Variants in OXR1 observed in about 807,000 individuals in gnomAD.
The protein encoded by OXR1 is oxidation resistance protein 1.
In OXR1, 41 loss-of-function variants were observed where a neutral mutation model predicts 104.6. The observed-to-expected ratio is 0.39, with a 90% CI of 0.31 to 0.51. OXR1 has a LOEUF of 0.51. OXR1 is among the 20% of genes least tolerant of loss of function. OXR1 has a pLI of 0.77. For synonymous variants in OXR1, 348 were observed against 348.4 expected (o/e 1.00, Z 0.01); for missense variants, 955 against 1,031.9 (o/e 0.93, Z 1.02).
At chr8:106,529,222 T>C (rs1047271787) in intron 3 of OXR1, among the ~76,000 whole-genome samples, 2 of 152,230 alleles carry the variant, frequency 1.3e-5, no homozygotes, top group Non-Finnish European at 2.9e-5. Context: ...TGTGGATTAA[T>C]AAGACCATGG....
At chr8:106,740,554 A>G (rs1331887291) in intron 14 of OXR1, 59 bp downstream of exon 14, 29 of 1,368,130 alleles carry the variant, frequency 2.1e-5, no homozygotes, top group Non-Finnish European at 1.0e-5. Context: ...AGTAACTTTT[A>G]GCATATTTAT....
intron 2 of OXR1, among the ~76,000 whole-genome samples, chr8:106,473,816 C>G (rs116369234): frequency 6.7e-6 from 1 of 149,734 alleles, no homozygotes; most frequent in Non-Finnish European, 1.5e-5. Flanking sequence ...AAATCAGATA[C>G]GGAGCCTCAT....
chr8:106,650,513 A>G (rs1824475906), intron 3 of OXR1, among the ~76,000 whole-genome samples: 1 of 152,246 alleles, frequency 6.6e-6, no homozygotes, highest in Non-Finnish European at 1.5e-5. Context: ...TAGGAGCTGA[A>G]TGACAGTCAG....
intron 16 of OXR1, among the ~76,000 whole-genome samples, chr8:106,748,267 G>A (rs1251751415): frequency 6.6e-6 from 1 of 152,178 alleles, no homozygotes; most frequent in Non-Finnish European, 1.5e-5. Flanking sequence ...CTTAACAAAT[G>A]ATGGCTTCCT....
intron 3 of OXR1, among the ~76,000 whole-genome samples, chr8:106,583,149 T>C (rs1775787964): frequency 6.6e-6 from 1 of 152,178 alleles, no homozygotes. Context: ...TTCCTTAAGC[T>C]TTAAGGGCAA....
At chr8:106,324,309 A>G (rs1055138077) in intron 1 of OXR1, among the ~76,000 whole-genome samples, 1 of 152,192 alleles carries the variant, frequency 6.6e-6, no homozygotes, top group Non-Finnish European at 1.5e-5. Context: ...GAGCTAAATG[A>G]TAAAACTTAT....
intron 3 of OXR1, among the ~76,000 whole-genome samples, chr8:106,574,252 T>G (rs1817671680): frequency 6.6e-6 from 1 of 152,220 alleles, no homozygotes; most frequent in Non-Finnish European, 1.5e-5. Flanking sequence ...TGAAGATAAG[T>G]AACCTCCTGG....
chr8:106,456,724 G>A lies in OXR1; in HGVS notation c.24-62219G>A, dbSNP rs146261293. Among the ~76,000 whole-genome samples, 597 of 152,170 alleles carry A rather than the reference G, an allele frequency of 3.9e-3. 4 individuals carry two copies. Among genetic ancestry groups the A allele is most frequent in the African/African-American group, 0.013 (554 of 41,510 alleles). On this transcript the variant is annotated intron_variant, in intron 2 of 16. Coordinates refer to ENST00000517566, the MANE Select transcript of OXR1 (RefSeq NM_001198533.2). ...GCAGCTATTTGATTACCTTTTGAGCGTTGTTAATCCCTCTGCCCAGCTCTT... is the reference window on the plus strand; with the variant it reads ...GCAGCTATTTGATTACCTTTTGAGCATTGTTAATCCCTCTGCCCAGCTCTT...
chr8:106,386,500 A>C (rs1817377446), intron 2 of OXR1, among the ~76,000 whole-genome samples: 1 of 152,226 alleles, frequency 6.6e-6, no homozygotes, highest in Admixed American at 6.5e-5. Flanking sequence ...CTTGAAGAAT[A>C]ACTAAACCAA....
At chr8:106,560,868 A>T (rs750071389) in intron 3 of OXR1, among the ~76,000 whole-genome samples, 26 of 152,172 alleles carry the variant, frequency 1.7e-4, no homozygotes, top group Non-Finnish European at 4.4e-5. Context: ...GATGAGCAAA[A>T]GCAGGATGGG....
intron 2 of OXR1, among the ~76,000 whole-genome samples, chr8:106,371,454 C>T (rs1419610251): frequency 4.6e-5 from 7 of 152,014 alleles, no homozygotes; most frequent in Admixed American, 3.3e-4. Flanking sequence ...TTAGTTTGCT[C>T]TTGCCTCTCT....
chr8:106,344,762 A>G (rs1484560682), intron 1 of OXR1, among the ~76,000 whole-genome samples: 4 of 152,210 alleles, frequency 2.6e-5, no homozygotes, highest in Non-Finnish European at 4.4e-5. Context: ...TTTGTATATT[A>G]TGTGTAACAC....
At chr8:106,697,744 A>G (rs1441292370) in intron 7 of OXR1, 23 of 1,613,756 alleles carry the variant, frequency 1.4e-5, no homozygotes, top group Non-Finnish European at 1.7e-5. Flanking sequence ...GATCTTCTCC[A>G]TCTGCTTGAA....
At chr8:106,377,351 T>TA (rs905214382) in intron 2 of OXR1, among the ~76,000 whole-genome samples, 51 of 147,442 alleles carry the variant, frequency 3.5e-4, no homozygotes, top group East Asian at 1.2e-3. Flanking sequence ...TTGCCTAATT[T>TA]AAAAAAAAAA....
intron 3 of OXR1, among the ~76,000 whole-genome samples, chr8:106,590,736 T>A (rs182560011): frequency 6.6e-6 from 1 of 152,322 alleles, no homozygotes; most frequent in African/African-American, 2.4e-5. Context: ...AAGGTTACTC[T>A]TAAATACTAG....
intron 2 of OXR1, among the ~76,000 whole-genome samples, chr8:106,430,246 G>C (rs939192499): frequency 3.3e-5 from 5 of 152,124 alleles, no homozygotes; most frequent in African/African-American, 1.2e-4. Context: ...ATCTTAAAAG[G>C]GAAATGATGG....
chr8:106,677,519 A>C (rs1827724012), intron 3 of OXR1, among the ~76,000 whole-genome samples: 1 of 152,100 alleles, frequency 6.6e-6, no homozygotes, highest in Non-Finnish European at 1.5e-5. Flanking sequence ...ACTTCTTTTG[A>C]GTTTTTACCA....
intron 2 of OXR1, among the ~76,000 whole-genome samples, chr8:106,472,210 C>G (rs1032605848): frequency 6.6e-6 from 1 of 151,772 alleles, no homozygotes; most frequent in Non-Finnish European, 1.5e-5. Flanking sequence ...GGAGAATACT[C>G]TCTGGAATAT....
intron 3 of OXR1, chr8:106,618,103 TCTC>T: frequency 6.5e-7 from 1 of 1,535,882 alleles, no homozygotes; most frequent in Non-Finnish European, 8.7e-7. Flanking sequence ...AAAATTCCTG[TCTC>T]CTCTTCTTGA....
Sources: allele counts gnomAD v4.1 joint callset (sites outside exome capture counted in the v4.1 genomes callset), GRCh38; gene constraint gnomAD v4.1.1; transcripts MANE v1.5; gene names NCBI Gene and HGNC (gene_info 2026-07-23, HGNC 2026-07-21).